ARMH4: variants seen among roughly 807,000 people sequenced by gnomAD.
The protein encoded by ARMH4 is armadillo like helical domain containing 4.
In ARMH4, 49 loss-of-function variants were observed where a neutral mutation model predicts 61.9. That is an observed-to-expected ratio of 0.79 (90% confidence interval 0.63 to 1.00). ARMH4 has a LOEUF of 1.00. Among genes scored for constraint, ARMH4 ranks in the 50% least tolerant of loss-of-function variants. The pLI is 0.00. For synonymous variants in ARMH4, 368 were observed against 341.5 expected, an observed-to-expected ratio of 1.08 and a Z score of -0.85; for missense variants, 934 against 930.0, an observed-to-expected ratio of 1.00 and a Z score of -0.06.
intron 1 of ARMH4, among the ~76,000 whole-genome samples, chr14:58,140,785 C>T (rs1050860140): frequency 1.5e-4 from 23 of 152,036 alleles, no homozygotes; most frequent in African/African-American, 5.3e-4. Context: ...CATCTGTAAT[C>T]CCAGCTCCTT....
chr14:58,048,793 T>C (rs10483694), intron 5 of ARMH4, among the ~76,000 whole-genome samples: 21,067 of 152,040 alleles, frequency 0.14, 1,919 homozygotes, highest in East Asian at 0.5. Context: ...TGACATTGAG[T>C]GTGAAGTGAG....
intron 5 of ARMH4, among the ~76,000 whole-genome samples, chr14:58,021,625 G>C (rs1882833598): frequency 6.6e-6 from 1 of 152,136 alleles, no homozygotes; most frequent in African/African-American, 2.4e-5. Flanking sequence ...CAGTCAAGTT[G>C]ACACATAAAA....
rs112059884 is a variant in ARMH4 at position 58,084,457 on chromosome 14, G to C, written c.2089+12267C>G. Among the ~76,000 whole-genome samples the C allele has an allele frequency of 2.9e-3, 437 of 152,210 alleles. 3 individuals are homozygous for C. The highest frequency in any genetic ancestry group is 9.9e-3 in the African/African-American group (409 of 41,520). ...TGTGGGATGTGCAATACTTTATCAG[G>C]TTTGTGATAAACAAACCCAGGTGGT... On this transcript the variant is annotated intron_variant, in intron 5 of 7. Transcript: ENST00000267485.
chr14:58,046,341 C>A (rs186877017), intron 5 of ARMH4, among the ~76,000 whole-genome samples: 10 of 152,208 alleles, frequency 6.6e-5, no homozygotes, highest in Admixed American at 2.6e-4. Context: ...GGACAATTTG[C>A]GTGCTGAGAT....
intron 4 of ARMH4, chr14:58,131,297 CTTTT>C (rs956761822): frequency 4.2e-6 from 2 of 480,194 alleles, no homozygotes; most frequent in Non-Finnish European, 7.3e-6. Context: ...CTTCTTTTGA[CTTTT>C]TTTTTCAATC....
intron 4 of ARMH4, among the ~76,000 whole-genome samples, chr14:58,124,609 T>A (rs947996086): frequency 3.9e-5 from 6 of 152,204 alleles, no homozygotes; most frequent in Admixed American, 2.0e-4. Flanking sequence ...TGCATACTTG[T>A]GCAACTCTTA....
intron 5 of ARMH4, among the ~76,000 whole-genome samples, chr14:58,047,548 A>C (rs1034858741): frequency 9.2e-5 from 14 of 152,326 alleles, no homozygotes; most frequent in African/African-American, 3.1e-4. Context: ...GGGGTAAAAG[A>C]GGTTAAACTT....
intron 5 of ARMH4, among the ~76,000 whole-genome samples, chr14:58,068,101 C>T (rs778485721): frequency 3.3e-5 from 5 of 152,254 alleles, no homozygotes; most frequent in Non-Finnish European, 2.9e-5. Context: ...TAAGCAGATA[C>T]TGAAAAGATA....
Position 58,000,824 on chromosome 14 carries a change from A to C in ARMH4, c.*3912T>G, listed in dbSNP as rs1190077583. The C allele has an allele frequency of 6.6e-6, 1 of 152,108 alleles. No individual in the cohort carries two copies. Among genetic ancestry groups the C allele is most frequent in the African/African-American group, 2.4e-5 (1 of 41,396 alleles). The allele number at this position is 152,108 out of a possible 1,614,324, so 9.4% of individuals were successfully genotyped here. A position where few individuals can be genotyped will look rare whatever the true frequency, so the allele number is the denominator to read the frequency against. ...TAGCCAGGATGGTTTCTATCTCCTG[A>C]CCTCATGATCTGCCCACCTTGGCCT... On this transcript the variant is annotated 3_prime_UTR_variant, in exon 8 of 8. Transcript: ENST00000267485.
intron 4 of ARMH4, among the ~76,000 whole-genome samples, chr14:58,111,868 A>AT (rs1886365598): frequency 6.6e-6 from 1 of 151,740 alleles, no homozygotes. Flanking sequence ...AATTTATTTC[A>AT]TTTTTTGTAG....
chr14:58,022,258 A>C (rs1882863699), intron 5 of ARMH4, among the ~76,000 whole-genome samples: 1 of 151,898 alleles, frequency 6.6e-6, no homozygotes, highest in South Asian at 2.1e-4. Context: ...GCCACTCTCC[A>C]AGCTCTGCCT....
At chr14:58,121,171 C>T (rs112944283) in intron 4 of ARMH4, among the ~76,000 whole-genome samples, 17 of 152,320 alleles carry the variant, frequency 1.1e-4, no homozygotes, top group Non-Finnish European at 2.1e-4. Context: ...GATCCACCCC[C>T]AATTATTCTT....
intron 5 of ARMH4, among the ~76,000 whole-genome samples, chr14:58,063,531 A>C (rs1355505984): frequency 6.6e-6 from 1 of 152,214 alleles, no homozygotes; most frequent in East Asian, 1.9e-4. Flanking sequence ...ATCAGTAGGC[A>C]GGTCATGGTG....
chr14:58,014,987 C>G (rs1378413521), intron 5 of ARMH4, among the ~76,000 whole-genome samples: 1 of 152,128 alleles, frequency 6.6e-6, no homozygotes, highest in Non-Finnish European at 1.5e-5. Context: ...CAAGATGGTG[C>G]AGAATAGGGA....
intron 5 of ARMH4, among the ~76,000 whole-genome samples, chr14:58,013,085 A>T (rs1202641737): frequency 6.6e-6 from 1 of 152,200 alleles, no homozygotes; most frequent in African/African-American, 2.4e-5. Flanking sequence ...TGTAAAAAAA[A>T]CTTTTAAGAT....
At chr14:58,104,016 G>C (rs988060429) in intron 4 of ARMH4, among the ~76,000 whole-genome samples, 5 of 152,148 alleles carry the variant, frequency 3.3e-5, no homozygotes, top group African/African-American at 1.2e-4. Context: ...CTATCCCAAA[G>C]AGAGGGTTGC....
At chr14:58,147,442 G>A (rs1400680935) in intron 1 of ARMH4, among the ~76,000 whole-genome samples, 1 of 151,840 alleles carries the variant, frequency 6.6e-6, no homozygotes, top group Non-Finnish European at 1.5e-5. Flanking sequence ...AGCCTCCTGA[G>A]TAGCTGGGAC....
chr14:58,076,672 G>C (rs1278272589), intron 5 of ARMH4, among the ~76,000 whole-genome samples: 1 of 152,124 alleles, frequency 6.6e-6, no homozygotes, highest in African/African-American at 2.4e-5. Context: ...GAAAGAAAAT[G>C]AGAACAAAGC....
chr14:58,039,254 CCCCA>C (rs1883599013), intron 5 of ARMH4, among the ~76,000 whole-genome samples: 1 of 152,182 alleles, frequency 6.6e-6, no homozygotes, highest in Admixed American at 6.5e-5. Flanking sequence ...TGAGAGCTCT[CCCCA>C]CCTACTCCTA....
Sources: allele counts gnomAD v4.1 joint callset (sites outside exome capture counted in the v4.1 genomes callset), GRCh38; gene constraint gnomAD v4.1.1; transcripts MANE v1.5; gene names NCBI Gene and HGNC (gene_info 2026-07-23, HGNC 2026-07-21).